The following OSBPL1A variants were observed in gnomAD, a reference collection of about 807,000 sequenced individuals.
OSBPL1A encodes the protein oxysterol-binding protein-related protein 1.
A neutral mutation model predicts 137.1 loss-of-function variants in OSBPL1A; 80 were observed. That is an observed-to-expected ratio of 0.58 (90% CI 0.49 to 0.70). The LOEUF is 0.70. Ranked by LOEUF, OSBPL1A falls within the 30% of genes least tolerant of loss-of-function variation. OSBPL1A has a pLI of 0.00. For synonymous variants in OSBPL1A, 365 were observed against 389.7 expected (o/e 0.94, Z 0.75); for missense variants, 970 against 1,129.4 (o/e 0.86, Z 2.02).
intron 17 of OSBPL1A, among the ~76,000 whole-genome samples, chr18:24,223,363 T>C (rs1171400690): frequency 6.6e-6 from 1 of 152,126 alleles, no homozygotes; most frequent in Non-Finnish European, 1.5e-5. Context: ...TTTTTAAAAA[T>C]AGGAATTACG....
intron 2 of OSBPL1A, among the ~76,000 whole-genome samples, chr18:24,371,848 G>A (rs1215725509): frequency 6.6e-6 from 1 of 152,162 alleles, no homozygotes; most frequent in Non-Finnish European, 1.5e-5. Context: ...CTGCATCACA[G>A]GACAGCATGG....
chr18:24,246,306 T>TGGGAGGAA lies in OSBPL1A; in HGVS notation c.1282-6932_1282-6925dup, dbSNP rs112965638. 3.2e-3 allele frequency among the ~76,000 whole-genome samples: 487 copies of TGGGAGGAA among 152,076 alleles called. 5 individuals are homozygous for TGGGAGGAA. Among genetic ancestry groups the TGGGAGGAA allele is most frequent in the African/African-American group, 0.011 (476 of 41,466 alleles). The stretch of plus-strand genomic sequence containing the variant: ...AAGGGACCGAGGCAGATTTACCTGA[T>TGGGAGGAA]GGGAGGAAACTGAAATGAGTAAGGG... On this transcript the variant is annotated intron_variant, in intron 15 of 27. Coordinates refer to ENST00000319481, the MANE Select transcript of OSBPL1A (RefSeq NM_080597.4).
chr18:24,320,601 T>C lies in OSBPL1A; in HGVS notation c.626-1792A>G, dbSNP rs925057403. The stretch of plus-strand genomic sequence containing the variant: ...CAGAGGCCACATCACACAAGGGGTT[T>C]GTAGGCCAGACTTTTGTAAGCCAGC... On this transcript the variant is annotated intron_variant, in intron 7 of 27. Coordinates refer to ENST00000319481, the MANE Select transcript of OSBPL1A (RefSeq NM_080597.4). 2.0e-4 allele frequency among the ~76,000 whole-genome samples: 30 copies of C among 152,288 alleles called. No individual in the cohort carries two copies. The Middle Eastern group carries it at 0.01, about 52-fold the overall frequency.
intron 24 of OSBPL1A, among the ~76,000 whole-genome samples, chr18:24,169,019 G>A (rs757709445): frequency 6.6e-6 from 1 of 152,264 alleles, no homozygotes; most frequent in Non-Finnish European, 1.5e-5. Flanking sequence ...AGTTTGTGCC[G>A]GGGGTCCCAG....
intron 15 of OSBPL1A, among the ~76,000 whole-genome samples, chr18:24,259,611 C>G (rs2089390757): frequency 6.6e-6 from 1 of 151,986 alleles, no homozygotes; most frequent in African/African-American, 2.4e-5. Flanking sequence ...CCATACAGGC[C>G]CAGACTGCCC....
intron 15 of OSBPL1A, among the ~76,000 whole-genome samples, chr18:24,267,129 T>A (rs1319712666): frequency 6.7e-6 from 1 of 149,072 alleles, no homozygotes. Flanking sequence ...AGGAAAGATA[T>A]ATAATTACAG....
At chr18:24,336,567 G>A (rs1188490309) in intron 5 of OSBPL1A, among the ~76,000 whole-genome samples, 1 of 152,144 alleles carries the variant, frequency 6.6e-6, no homozygotes, top group African/African-American at 2.4e-5. Context: ...GAACTTTTCT[G>A]CATATACTTT....
intron 4 of OSBPL1A, chr18:24,366,481 TA>T (rs2091702693): frequency 6.5e-6 from 1 of 153,414 alleles, no homozygotes; most frequent in Non-Finnish European, 1.4e-5. Flanking sequence ...TGAAGCCACC[TA>T]GGGGTTGCCA....
intron 7 of OSBPL1A, among the ~76,000 whole-genome samples, 172 bp downstream of exon 7, chr18:24,332,770 G>T (rs1568033984): frequency 6.6e-6 from 1 of 152,136 alleles, no homozygotes; most frequent in Non-Finnish European, 1.5e-5. Context: ...TTGAGGGTAG[G>T]ATCTACCTTT....
intron 25 of OSBPL1A, 32 bp downstream of exon 25, chr18:24,167,297 A>G: frequency 6.4e-7 from 1 of 1,573,712 alleles, no homozygotes; most frequent in Non-Finnish European, 8.7e-7. Flanking sequence ...AAACACAGAC[A>G]GTGAGGCCAC....
intron 15 of OSBPL1A, among the ~76,000 whole-genome samples, chr18:24,254,747 AT>A (rs769961426): frequency 1.6e-4 from 24 of 152,190 alleles, no homozygotes; most frequent in Non-Finnish European, 2.9e-4. Context: ...CTTCAAACAA[AT>A]AACCTAATGA....
At chr18:24,235,659 G>A (rs371318869) in intron 16 of OSBPL1A, among the ~76,000 whole-genome samples, 1 of 152,220 alleles carries the variant, frequency 6.6e-6, no homozygotes, top group African/African-American at 2.4e-5. Flanking sequence ...CTGGGAGGAA[G>A]AGCAAGCATT....
chr18:24,337,506 G>T (rs1478652287), intron 5 of OSBPL1A, among the ~76,000 whole-genome samples: 1 of 150,002 alleles, frequency 6.7e-6, no homozygotes, highest in Non-Finnish European at 1.5e-5. Context: ...ATGAATGCAA[G>T]GCTTCAGTGA....
At chr18:24,282,095 A>G (rs968033339) in intron 14 of OSBPL1A, among the ~76,000 whole-genome samples, 1 of 147,074 alleles carries the variant, frequency 6.8e-6, no homozygotes, top group African/African-American at 2.5e-5. Context: ...CCTACCCCCG[A>G]GTCCATGGAA....
chr18:24,280,959 A>C lies in OSBPL1A; in HGVS notation c.1175-11T>G. 6.4e-7 allele frequency: 1 copy of C among 1,554,994 alleles called. No individual in the cohort carries two copies. ...ATGATGGAAGCATTTCTATAAAGAA[A>C]AAAATAAATACAGTGAGTCGGATTT... On this transcript the variant is annotated splice_polypyrimidine_tract_variant and intron_variant, in intron 14 of 27. Transcript: ENST00000319481.
intron 4 of OSBPL1A, among the ~76,000 whole-genome samples, chr18:24,359,983 T>C (rs1410855859): frequency 1.3e-5 from 2 of 152,206 alleles, no homozygotes; most frequent in Non-Finnish European, 2.9e-5. Context: ...CTGTTTTTGT[T>C]TGAGACAGAG....
chr18:24,254,435 A>C (rs915181063), intron 15 of OSBPL1A, among the ~76,000 whole-genome samples: 2 of 152,218 alleles, frequency 1.3e-5, no homozygotes, highest in Non-Finnish European at 2.9e-5. Context: ...TCAAAGATAG[A>C]CCATATGTTA....
intron 15 of OSBPL1A, among the ~76,000 whole-genome samples, chr18:24,253,893 G>A (rs1422762257): frequency 1.3e-5 from 2 of 152,206 alleles, no homozygotes; most frequent in Admixed American, 1.3e-4. Flanking sequence ...CCCCTAAACT[G>A]TAATTTCTAA....
chr18:24,347,136 C>G (rs28498750), intron 4 of OSBPL1A, among the ~76,000 whole-genome samples: 6,854 of 152,144 alleles, frequency 0.045, 513 homozygotes, highest in African/African-American at 0.16. Context: ...AAAGTATCTA[C>G]TTTCAACAGA....
Sources: allele counts gnomAD v4.1 joint callset (sites outside exome capture counted in the v4.1 genomes callset), GRCh38; gene constraint gnomAD v4.1.1; transcripts MANE v1.5; gene names NCBI Gene and HGNC (gene_info 2026-07-23, HGNC 2026-07-21).